The following USP48 variants were observed in gnomAD, a reference collection of about 807,000 sequenced individuals.
USP48 encodes ubiquitin carboxyl-terminal hydrolase 48.
A neutral mutation model predicts 150.7 loss-of-function variants in USP48; 43 were observed. That is an observed-to-expected ratio of 0.29 (90% CI 0.22 to 0.37). The LOEUF (loss-of-function observed/expected upper bound fraction) is 0.37. USP48 is among the 10% of genes least tolerant of loss of function. USP48 has a pLI of 1.00. For synonymous variants in USP48, 396 were observed against 425.9 expected (o/e 0.93, Z 0.86); for missense variants, 813 against 1,249.6 (o/e 0.65, Z 5.27).
chr1:21,738,220 G>A (rs71636986), intron 8 of USP48, among the ~76,000 whole-genome samples: 426 of 151,980 alleles, frequency 2.8e-3, no homozygotes, highest in Middle Eastern at 6.8e-3. Flanking sequence ...ACCACACCCG[G>A]CTAATTTTTG....
At chr1:21,756,755 A>G (rs2097836887) in intron 2 of USP48, 53 bp from the exon 3 acceptor site, 2 of 1,598,306 alleles carry the variant, frequency 1.3e-6, no homozygotes, top group Non-Finnish European at 1.7e-6. Flanking sequence ...TTAAACAACC[A>G]ATTTCTAAGC....
chr1:21,729,025 C>G (rs1027948079), intron 10 of USP48, among the ~76,000 whole-genome samples: 3 of 152,144 alleles, frequency 2.0e-5, no homozygotes, highest in African/African-American at 7.2e-5. Context: ...TGGCTCATAC[C>G]TGTAATCCCA....
At chr1:21,772,954 AAAAG>A (rs1235647411) in intron 1 of USP48, among the ~76,000 whole-genome samples, 1 of 145,414 alleles carries the variant, frequency 6.9e-6, no homozygotes, top group Non-Finnish European at 1.6e-5. Context: ...AAGAAAGAAA[AAAAG>A]AAAGAAAAAA....
At chr1:21,710,708 T>C (rs186519614) in intron 15 of USP48, among the ~76,000 whole-genome samples, 299 of 152,060 alleles carry the variant, frequency 2.0e-3, no homozygotes, top group Non-Finnish European at 2.9e-3. Context: ...AATATGAAAA[T>C]TTAAATCAAG....
At chr1:21,692,738 G>A in intron 23 of USP48, among the ~76,000 whole-genome samples, 1 of 152,184 alleles carries the variant, frequency 6.6e-6, no homozygotes, top group East Asian at 1.9e-4. Flanking sequence ...GATGGTAGCA[G>A]AAGGTATGTG....
At chr1:21,705,433 G>A (rs1296958369) in intron 19 of USP48, among the ~76,000 whole-genome samples, 1 of 152,172 alleles carries the variant, frequency 6.6e-6, no homozygotes, top group East Asian at 1.9e-4. Context: ...TGTGATTCTG[G>A]AAAAGAGGTC....
Position 21,755,190 on chromosome 1 carries a change from T to C in USP48, c.412+1356A>G, listed in dbSNP as rs146591584. Among the ~76,000 whole-genome samples, 651 of 152,320 alleles carry C rather than the reference T, an allele frequency of 4.3e-3. 1 individual carries two copies. Among genetic ancestry groups the C allele is most frequent in the Middle Eastern group, 0.024 (7 of 294 alleles). ...ATCTCCTTACTACCAACTGTGGCTTTCAGCAAGTCAATATATCATCTTCAA... is the reference window on the plus strand; with the variant it reads ...ATCTCCTTACTACCAACTGTGGCTTCCAGCAAGTCAATATATCATCTTCAA... On this transcript the variant is annotated intron_variant, in intron 3 of 26. Transcript: ENST00000308271.
chr1:21,749,741 T>C (rs183394530), intron 6 of USP48, among the ~76,000 whole-genome samples: 1 of 152,236 alleles, frequency 6.6e-6, no homozygotes, highest in East Asian at 1.9e-4. Context: ...TAGCTGGGAT[T>C]ATGGCTGTTC....
Position 21,782,687 on chromosome 1 carries a change from AG to A in USP48, c.134+136del, listed in dbSNP as rs991020805. 24 of 1,320,608 alleles carry A rather than the reference AG, an allele frequency of 1.8e-5. No individual in the cohort carries two copies. The African/African-American group carries it at 3.0e-4, about 16-fold the overall frequency. 81.8% of individuals were successfully genotyped at this position (1,320,608 alleles called of 1,614,324 possible). ...TTCCCAGGTCGCGCAGACGGCGCAA[AG>A]GGGGAAACTCCACCTCGCTCGGCTC... On this transcript the variant is annotated intron_variant, in intron 1 of 26. Transcript: ENST00000308271.
At chr1:21,779,151 T>C (rs935600865) in intron 1 of USP48, among the ~76,000 whole-genome samples, 2 of 152,156 alleles carry the variant, frequency 1.3e-5, no homozygotes, top group East Asian at 3.9e-4. Context: ...GGCGGGAGGA[T>C]TGCTTGAGCC....
intron 1 of USP48, 147 bp downstream of exon 1, chr1:21,782,677 G>A: frequency 7.8e-7 from 1 of 1,279,330 alleles, no homozygotes; most frequent in Middle Eastern, 2.8e-4. Context: ...AGGTCGCGCA[G>A]ACGGCGCAAA....
intron 12 of USP48, among the ~76,000 whole-genome samples, chr1:21,723,445 C>T (rs1050207077): frequency 2.1e-4 from 32 of 150,342 alleles, no homozygotes; most frequent in African/African-American, 6.9e-4. Context: ...ACCCAGGAGG[C>T]GAAGGTTGCA....
At chr1:21,782,376 G>A (rs2097916781) in intron 1 of USP48, among the ~76,000 whole-genome samples, 1 of 152,004 alleles carries the variant, frequency 6.6e-6, no homozygotes, top group Admixed American at 6.6e-5. Flanking sequence ...GATGACGTAG[G>A]CTGACCACAG....
chr1:21,697,370 A>G (rs921088699), intron 22 of USP48, among the ~76,000 whole-genome samples: 1 of 152,148 alleles, frequency 6.6e-6, no homozygotes, highest in Non-Finnish European at 1.5e-5. Flanking sequence ...CGACTGTTGA[A>G]AGAAAAGGTC....
At chr1:21,760,599 A>T (rs1449774180) in intron 1 of USP48, among the ~76,000 whole-genome samples, 1 of 152,132 alleles carries the variant, frequency 6.6e-6, no homozygotes, top group African/African-American at 2.4e-5. Flanking sequence ...CTGTAATCCC[A>T]GCTACCCAGG....
chr1:21,762,027 G>A (rs1295028878), intron 1 of USP48, among the ~76,000 whole-genome samples: 1 of 152,014 alleles, frequency 6.6e-6, no homozygotes, highest in Non-Finnish European at 1.5e-5. Context: ...AGCACTTTGG[G>A]AGACTGAGGT....
chr1:21,703,373 A>T (rs1368031192), intron 21 of USP48, 139 bp downstream of exon 21: 1 of 537,064 alleles, frequency 1.9e-6, no homozygotes, highest in East Asian at 2.8e-5. Flanking sequence ...ATTATTGTCC[A>T]ATTTCAATTC....
intron 1 of USP48, among the ~76,000 whole-genome samples, chr1:21,768,788 CAG>C (rs1212210270): frequency 6.6e-6 from 1 of 151,014 alleles, no homozygotes; most frequent in Admixed American, 6.7e-5. Flanking sequence ...AGTAATAAAA[CAG>C]TATCGTTTTG....
rs577907470 is a variant in USP48, at chr1:21,747,294, C to G, written c.909-145G>C. ...CAAAACATGTACAATTAGAAGTAAA[C>G]AGAATATTGTTTTATAGCTGGACAA... On this transcript the variant is annotated intron_variant, in intron 7 of 26. Coordinates refer to ENST00000308271, the MANE Select transcript of USP48 (RefSeq NM_032236.8). 8.5e-5 allele frequency: 48 copies of G among 562,028 alleles called. 2 individuals are homozygous for G. In the South Asian group the frequency reaches 1.1e-3, roughly 13 times the overall value. The allele number at this position is 562,028 out of a possible 1,614,324, so 34.8% of individuals were successfully genotyped here. A position where few individuals can be genotyped will look rare whatever the true frequency, so the allele number is the denominator to read the frequency against.
Sources: allele counts gnomAD v4.1 joint callset (sites outside exome capture counted in the v4.1 genomes callset), GRCh38; gene constraint gnomAD v4.1.1; transcripts MANE v1.5; gene names NCBI Gene and HGNC (gene_info 2026-07-23, HGNC 2026-07-21).